The following LY75 variants were observed in gnomAD, a reference collection of about 807,000 sequenced individuals.
LY75 encodes the protein lymphocyte antigen 75.
A neutral mutation model predicts 231.7 loss-of-function variants in LY75; 185 were observed. The ratio of observed to expected loss-of-function variants is 0.80; its 90% CI spans 0.71 to 0.90. The LOEUF is 0.90. LY75 is among the 40% of genes least tolerant of loss of function. LY75 has a pLI of 0.00. For synonymous variants in LY75, 668 were observed against 689.0 expected, an observed-to-expected ratio of 0.97 and a Z score of 0.48; for missense variants, 1,947 against 2,050.2, an observed-to-expected ratio of 0.95 and a Z score of 0.97.
chr2:159,862,065 C>A (rs2125861201), intron 14 of LY75, among the ~76,000 whole-genome samples: 1 of 152,122 alleles, frequency 6.6e-6, no homozygotes, highest in East Asian at 1.9e-4. Flanking sequence ...CTTTGGGAGG[C>A]TGAGGCGGGT....
At chr2:159,871,173 TAA>T (rs1685003033) in intron 13 of LY75, among the ~76,000 whole-genome samples, 1 of 152,148 alleles carries the variant, frequency 6.6e-6, no homozygotes, top group Non-Finnish European at 1.5e-5. Context: ...TTACTAAATA[TAA>T]GTGTATATTT....
intron 13 of LY75, among the ~76,000 whole-genome samples, chr2:159,869,106 A>C (rs1360385361): frequency 2.0e-5 from 3 of 152,144 alleles, no homozygotes; most frequent in Non-Finnish European, 4.4e-5. Flanking sequence ...CAATGAGAAC[A>C]CTTGGACACA....
intron 12 of LY75, among the ~76,000 whole-genome samples, chr2:159,873,817 A>G (rs1297015276): frequency 7.5e-6 from 1 of 132,804 alleles, no homozygotes; most frequent in Non-Finnish European, 1.7e-5. Flanking sequence ...GTAAAAATAC[A>G]TATAAACGTA....
At chr2:159,819,984 A>C (rs1345373233) in intron 28 of LY75, 64 bp from the exon 29 acceptor site, 3 of 1,441,956 alleles carry the variant, frequency 2.1e-6, no homozygotes, top group Non-Finnish European at 2.8e-6. Context: ...ACACTTATAC[A>C]GTTAAGATTT....
chr2:159,890,256 A>T lies in LY75; in HGVS notation c.759T>A (p.Asp253Glu). 6.2e-7 allele frequency: 1 copy of T among 1,613,524 alleles called. No individual in the cohort carries two copies. Among genetic ancestry groups the T allele is most frequent in the Non-Finnish European group, 8.5e-7 (1 of 1,179,668 alleles). Residue 253 changes from aspartate (D) to glutamate (E), a missense_variant, in exon 4 of 35, where the codon GAT (aspartate) becomes GAA (glutamate). Transcript: ENST00000263636. ...AYVSCQNQGA[D>E]LLSINSAAEL... is the part of the protein sequence containing the mutation. ...CAGCAGCACTGTTGATGCTCAGTAAATCAGCTCCTTGATTCTGACATGAAA... is the reference window on the plus strand; with the variant it reads ...CAGCAGCACTGTTGATGCTCAGTAATTCAGCTCCTTGATTCTGACATGAAA...
At chr2:159,860,690 G>T in intron 15 of LY75, 131 bp downstream of exon 15, 1 of 1,045,662 alleles carries the variant, frequency 9.6e-7, no homozygotes, top group Non-Finnish European at 1.4e-6. Flanking sequence ...GCCAGGCCAT[G>T]GGTGTGCTTA....
chr2:159,853,618 G>C lies in LY75; in HGVS notation c.2663+12C>G. 5 of 1,613,168 alleles carry C rather than the reference G, an allele frequency of 3.1e-6. No individual in the cohort carries two copies. Among genetic ancestry groups the C allele is most frequent in the Non-Finnish European group, 4.2e-6 (5 of 1,179,698 alleles). ...ATAACTTTACAAAGGTAGAATCAATGATGTCACCTACTATGTAAAATGATC... is the reference window on the plus strand; with the variant it reads ...ATAACTTTACAAAGGTAGAATCAATCATGTCACCTACTATGTAAAATGATC... On this transcript the variant is annotated intron_variant, in intron 19 of 34. Coordinates refer to ENST00000263636, the MANE Select transcript of LY75 (RefSeq NM_002349.4).
At chr2:159,900,257 C>T (rs1686034957) in intron 1 of LY75, among the ~76,000 whole-genome samples, 1 of 152,192 alleles carries the variant, frequency 6.6e-6, no homozygotes, top group African/African-American at 2.4e-5. Flanking sequence ...ATTTGGATTT[C>T]TGAAAATAAA....
intron 21 of LY75, among the ~76,000 whole-genome samples, chr2:159,850,773 CATATATATAT>C (rs67887100): frequency 0.018 from 495 of 27,164 alleles, 58 homozygotes; most frequent in African/African-American, 0.053. Context: ...TTCAAACTTT[CATATATATAT>C]ATATATATAT....
At chr2:159,864,782 T>C (rs1226478894) in intron 14 of LY75, 57 bp downstream of exon 14, 71 of 1,452,806 alleles carry the variant, frequency 4.9e-5, no homozygotes, top group Non-Finnish European at 6.2e-5. Flanking sequence ...ACAATCAACT[T>C]GTTATTGAAA....
intron 30 of LY75, among the ~76,000 whole-genome samples, chr2:159,816,264 GC>G (rs1406653038): frequency 2.0e-5 from 3 of 152,138 alleles, no homozygotes; most frequent in African/African-American, 7.2e-5. Flanking sequence ...GTCTTTACTA[GC>G]AGAATTAATC....
chr2:159,879,320 C>A lies in LY75; in HGVS notation c.1454G>T (p.Cys485Phe). Residue 485 changes from cysteine to phenylalanine, a missense_variant, in exon 9 of 35, where the codon TGC (cysteine) becomes TTC (phenylalanine). Transcript: ENST00000263636. ...QSCEEKLKYV[C>F]KRKGEKLNDA... ...ATTCAGTTTTTCTCCCTTTCTCTTG[C>A]ATACATATTTTAGTTTCTCCTCACA... 1 of 1,613,818 alleles carries A rather than the reference C, an allele frequency of 6.2e-7. No homozygotes were observed.
At chr2:159,899,926 A>G (rs1487627472) in intron 1 of LY75, among the ~76,000 whole-genome samples, 1 of 152,184 alleles carries the variant, frequency 6.6e-6, no homozygotes, top group South Asian at 2.1e-4. Context: ...CCAGCCATAC[A>G]CTGGCTTGTG....
At chr2:159,898,579 T>C in intron 2 of LY75, 109 bp downstream of exon 2, 2 of 1,496,358 alleles carry the variant, frequency 1.3e-6, no homozygotes, top group Non-Finnish European at 1.8e-6. Flanking sequence ...AAGAGCTTAC[T>C]CACTGCCCTT....
chr2:159,826,800 C>T (rs1683484365), intron 28 of LY75, among the ~76,000 whole-genome samples: 1 of 152,262 alleles, frequency 6.6e-6, no homozygotes, highest in African/African-American at 2.4e-5. Context: ...AGAAATAACA[C>T]CACACATCTA....
chr2:159,804,330 C>T lies in LY75; in HGVS notation c.*714G>A, dbSNP rs1193876455. The T allele has an allele frequency of 6.6e-6, 1 of 152,214 alleles. No individual in the cohort carries two copies. The highest frequency in any genetic ancestry group is 1.5e-5 in the Non-Finnish European group (1 of 68,078). 9.4% of individuals were successfully genotyped at this position (152,214 alleles called of 1,614,324 possible). A position where few individuals can be genotyped will look rare whatever the true frequency, so the allele number is the denominator to read the frequency against. The stretch of plus-strand genomic sequence containing the variant: ...ACGAGTTCGAGACCAGCCTGGCCAA[C>T]ATGGTGAAACCCCATCTCTACTAAA... On this transcript the variant is annotated 3_prime_UTR_variant, in exon 35 of 35. Transcript: ENST00000263636.
intron 23 of LY75, among the ~76,000 whole-genome samples, chr2:159,842,681 GATT>G (rs1223729584): frequency 1.8e-4 from 27 of 152,082 alleles, no homozygotes; most frequent in Admixed American, 1.6e-3. Flanking sequence ...AAAACATAAT[GATT>G]ATTAATTCAA....
Position 159,805,002 on chromosome 2 carries a change from C to A in LY75, c.*42G>T, listed in dbSNP as rs759478932. ...CTGGGACATTTTAAGTGACTAATTT[C>A]TCATAACACATTAGTGCAAATTAGA... On this transcript the variant is annotated 3_prime_UTR_variant, in exon 35 of 35. Coordinates refer to ENST00000263636, the MANE Select transcript of LY75 (RefSeq NM_002349.4). 3 of 1,514,662 alleles carry A rather than the reference C, an allele frequency of 2.0e-6. No homozygotes were observed. Among genetic ancestry groups the A allele is most frequent in the African/African-American group, 2.8e-5 (2 of 72,614 alleles). The allele number at this position is 1,514,662 out of a possible 1,614,324, so 93.8% of individuals were successfully genotyped here.
Position 159,808,588 on chromosome 2 carries a change from C to A in LY75, c.4700-17G>T, listed in dbSNP as rs1682858011. ...CAGAGTGATCTGTTGAAAGAAAACA[C>A]ATTCTCAATTAGCTTTATGGAAACT... is the stretch of plus-strand genomic sequence containing the variant. On this transcript the variant is annotated splice_polypyrimidine_tract_variant and intron_variant, in intron 32 of 34. Coordinates refer to ENST00000263636, the MANE Select transcript of LY75 (RefSeq NM_002349.4). The A allele has an allele frequency of 6.2e-7, 1 of 1,612,016 alleles. No homozygotes were observed. The highest frequency in any genetic ancestry group is 8.5e-7 in the Non-Finnish European group (1 of 1,179,690).
Sources: gnomAD v4.1 joint callset for allele counts (sites outside exome capture counted in the v4.1 genomes callset) on GRCh38, gnomAD v4.1.1 for gene constraint, MANE v1.5 for transcripts, NCBI Gene and HGNC (gene_info 2026-07-23, HGNC 2026-07-21) for gene names.